Variants in MTHFD2L observed in about 807,000 individuals in gnomAD.
The protein encoded by MTHFD2L is methylenetetrahydrofolate dehydrogenase (NADP+ dependent) 2 like.
A neutral mutation model predicts 34.9 loss-of-function variants in MTHFD2L; 29 were observed. That is an observed-to-expected ratio of 0.83 (90% CI 0.62 to 1.13). The LOEUF is 1.13. Ranked by LOEUF, MTHFD2L falls within the 50% of genes most tolerant of loss-of-function variation. The pLI, the probability that MTHFD2L is intolerant of heterozygous loss-of-function variation, is 0.00. For synonymous variants in MTHFD2L, 167 were observed against 155.7 expected, an observed-to-expected ratio of 1.07 and a Z score of -0.54; for missense variants, 481 against 446.5, an observed-to-expected ratio of 1.08 and a Z score of -0.70.
intron 6 of MTHFD2L, among the ~76,000 whole-genome samples, chr4:74,249,610 A>C (rs972658675): frequency 1.3e-5 from 2 of 152,126 alleles, no homozygotes; most frequent in Non-Finnish European, 2.9e-5. Context: ...ATTTTGCAGC[A>C]GTTGGTACCT....
chr4:74,171,276 A>C (rs780860264), intron 1 of MTHFD2L, among the ~76,000 whole-genome samples: 1 of 152,222 alleles, frequency 6.6e-6, no homozygotes, highest in Non-Finnish European at 1.5e-5. Flanking sequence ...AAGGGAATGC[A>C]AATTTAAAGC....
intron 7 of MTHFD2L, chr4:74,293,520 T>A: frequency 1.0e-6 from 1 of 984,242 alleles, no homozygotes; most frequent in Non-Finnish European, 1.2e-6. Flanking sequence ...TCAATATATT[T>A]AGAAAACTTG....
At chr4:74,196,758 C>T (rs369174267) in intron 3 of MTHFD2L, among the ~76,000 whole-genome samples, 13 of 151,972 alleles carry the variant, frequency 8.6e-5, no homozygotes, top group African/African-American at 2.9e-4. Context: ...CCAGCCTGGC[C>T]AATATGGTGA....
upstream of MTHFD2L, among the ~76,000 whole-genome samples, chr4:74,155,761 C>T (rs1334500126): frequency 6.6e-6 from 1 of 151,882 alleles, no homozygotes; most frequent in African/African-American, 2.4e-5. Flanking sequence ...GGATTCACCC[C>T]TTTATTGTCT....
chr4:74,157,861 C>T, upstream of MTHFD2L: 1 of 620,690 alleles, frequency 1.6e-6, no homozygotes, highest in Non-Finnish European at 3.0e-6. Context: ...TGGCTGGGTG[C>T]GGGGCCCAGT....
At chr4:74,200,722 C>G (rs939047167) in intron 4 of MTHFD2L, among the ~76,000 whole-genome samples, 16 of 152,134 alleles carry the variant, frequency 1.1e-4, no homozygotes, top group African/African-American at 3.9e-4. Flanking sequence ...ATCCTTAGTT[C>G]TAACTTCTTT....
At chr4:74,247,159 C>A (rs1217361534) in intron 6 of MTHFD2L, among the ~76,000 whole-genome samples, 3 of 151,292 alleles carry the variant, frequency 2.0e-5, no homozygotes, top group Non-Finnish European at 4.4e-5. Context: ...TTTCATTGAG[C>A]AGTGGTTTGT....
At chr4:74,274,705 C>T (rs989330343) in intron 6 of MTHFD2L, among the ~76,000 whole-genome samples, 7 of 152,170 alleles carry the variant, frequency 4.6e-5, no homozygotes, top group African/African-American at 1.7e-4. Flanking sequence ...CTGAAGCTTG[C>T]TCCACCAGCC....
intron 7 of MTHFD2L, among the ~76,000 whole-genome samples, chr4:74,298,691 T>C (rs981998863): frequency 6.6e-6 from 1 of 152,026 alleles, no homozygotes; most frequent in African/African-American, 2.4e-5. Flanking sequence ...TGAGAACTTA[T>C]AGTCAAAATG....
chr4:74,145,871 C>T (rs1293768323), intron 1 of MTHFD2L, among the ~76,000 whole-genome samples: 1 of 152,156 alleles, frequency 6.6e-6, no homozygotes, highest in South Asian at 2.1e-4. Flanking sequence ...TCCTGCTTTG[C>T]CTTCCACCAT....
At chr4:74,158,870 T>C (rs1400144250) in intron 1 of MTHFD2L, among the ~76,000 whole-genome samples, 1 of 152,210 alleles carries the variant, frequency 6.6e-6, no homozygotes, top group East Asian at 1.9e-4. Context: ...GCAAGAACCA[T>C]GCAAATACAA....
chr4:74,230,775 A>G (rs1471631776), intron 6 of MTHFD2L, among the ~76,000 whole-genome samples: 1 of 152,156 alleles, frequency 6.6e-6, no homozygotes, highest in Non-Finnish European at 1.5e-5. Flanking sequence ...AGCCAGTATC[A>G]ATTCTAAGAT....
intron 5 of MTHFD2L, among the ~76,000 whole-genome samples, chr4:74,220,079 C>T (rs1205668043): frequency 8.7e-6 from 1 of 115,378 alleles, no homozygotes; most frequent in Admixed American, 1.1e-4. Flanking sequence ...GTTTCAGTTT[C>T]ATTTTGGTTT....
upstream of MTHFD2L, among the ~76,000 whole-genome samples, chr4:74,121,748 G>A (rs1174298261): frequency 6.8e-6 from 1 of 147,386 alleles, no homozygotes; most frequent in African/African-American, 2.5e-5. Flanking sequence ...TATTATAAAT[G>A]TAATAATAAT....
intron 1 of MTHFD2L, among the ~76,000 whole-genome samples, chr4:74,148,045 G>A (rs1331251315): frequency 2.0e-5 from 3 of 151,950 alleles, no homozygotes; most frequent in Non-Finnish European, 2.9e-5. Context: ...GTTGATTTTG[G>A]TATGGCATAA....
At chr4:74,222,740 A>T (rs149048504) in intron 5 of MTHFD2L, among the ~76,000 whole-genome samples, 4 of 152,192 alleles carry the variant, frequency 2.6e-5, no homozygotes, top group South Asian at 2.1e-4. Flanking sequence ...CTTAGGAAAG[A>T]CTTATGGGAA....
At chr4:74,250,443 T>C (rs1306874565) in intron 6 of MTHFD2L, among the ~76,000 whole-genome samples, 2 of 152,168 alleles carry the variant, frequency 1.3e-5, no homozygotes, top group Non-Finnish European at 2.9e-5. Context: ...CCATCTTCCC[T>C]GTGAAAATGT....
chr4:74,183,485 C>G (rs961817268), intron 3 of MTHFD2L: 2 of 152,206 alleles, frequency 1.3e-5, no homozygotes, highest in African/African-American at 4.8e-5. Flanking sequence ...AACCCCATCT[C>G]TACTGAAAAT....
chr4:74,199,910 A>G lies in MTHFD2L; in HGVS notation c.568A>G (p.Thr190Ala). The change falls in exon 4 of 8, where the codon ACT becomes GCT. Residue 190 changes from threonine to alanine, a missense_variant. Coordinates refer to ENST00000325278, the MANE Select transcript of MTHFD2L (RefSeq NM_001144978.3). ...CLDQHSLIPA[T>A]ASAVWEIIKR... ...TGATCAGCATTCTCTCATACCTGCC[A>G]CTGCCAGTGCTGTTTGGGAAATAAT... 6.2e-7 allele frequency: 1 copy of G among 1,614,060 alleles called. No individual in the cohort carries two copies. Among genetic ancestry groups the G allele is most frequent in the Non-Finnish European group, 8.5e-7 (1 of 1,179,978 alleles).
Sources: allele counts gnomAD v4.1 joint callset (sites outside exome capture counted in the v4.1 genomes callset), GRCh38; gene constraint gnomAD v4.1.1; transcripts MANE v1.5; gene names NCBI Gene and HGNC (gene_info 2026-07-23, HGNC 2026-07-21).